Variants in ABCB10 observed in about 807,000 individuals in gnomAD.
ABCB10 encodes ATP-binding cassette sub-family B member 10, mitochondrial.
A neutral mutation model predicts 65.4 loss-of-function variants in ABCB10; 54 were observed. That is an observed-to-expected ratio of 0.83 (90% CI 0.66 to 1.04). ABCB10 has a LOEUF of 1.04. Ranked by LOEUF, ABCB10 falls within the 50% of genes least tolerant of loss-of-function variation. The pLI is 0.00. For missense variants in ABCB10, 846 were observed against 976.6 expected (o/e 0.87, Z 1.78); for synonymous variants, 418 against 406.5 (o/e 1.03, Z -0.34).
intron 11 of ABCB10, chr1:229,519,212 C>T (rs972476637): frequency 1.6e-5 from 3 of 191,084 alleles, no homozygotes; most frequent in African/African-American, 7.0e-5. Context: ...ATGCACAACA[C>T]AGAATACACT....
At chr1:229,537,340 T>C (rs1402188532) in intron 6 of ABCB10, among the ~76,000 whole-genome samples, 2 of 152,248 alleles carry the variant, frequency 1.3e-5, no homozygotes, top group East Asian at 3.8e-4. Flanking sequence ...AGAATGTACT[T>C]AGAATCATTG....
chr1:229,518,437 A>T, intron 12 of ABCB10, 27 bp from the exon 13 acceptor site: 2 of 1,596,852 alleles, frequency 1.3e-6, no homozygotes. Flanking sequence ...CACACAAGAA[A>T]GCAAAGACGT....
At chr1:229,543,130 C>CAAA (rs35652910) in intron 3 of ABCB10, among the ~76,000 whole-genome samples, 6 of 62,400 alleles carry the variant, frequency 9.6e-5, no homozygotes, top group South Asian at 5.7e-4. Context: ...AACTCCATCT[C>CAAA]AAAAAAAAAA....
At chr1:229,518,979 A>G in intron 11 of ABCB10, 104 bp from the exon 12 acceptor site, 2 of 908,388 alleles carry the variant, frequency 2.2e-6, no homozygotes, top group Non-Finnish European at 3.4e-6. Context: ...TACAATGTGG[A>G]TGAGCCTTGG....
intron 10 of ABCB10, among the ~76,000 whole-genome samples, chr1:229,525,727 G>A (rs1279533060): frequency 6.6e-6 from 1 of 152,150 alleles, no homozygotes; most frequent in Non-Finnish European, 1.5e-5. Flanking sequence ...AGCTACTCGG[G>A]AGGCTGAGGC....
At chr1:229,540,271 A>G (rs1662812993) in intron 5 of ABCB10, among the ~76,000 whole-genome samples, 1 of 152,102 alleles carries the variant, frequency 6.6e-6, no homozygotes. Flanking sequence ...GGCCTGTTAA[A>G]CAGATTGCTG....
At chr1:229,520,379 A>T (rs904752053) in intron 11 of ABCB10, among the ~76,000 whole-genome samples, 4 of 151,272 alleles carry the variant, frequency 2.6e-5, no homozygotes, top group African/African-American at 4.9e-5. Flanking sequence ...CTGAGGCATG[A>T]GTATCACTTG....
intron 10 of ABCB10, among the ~76,000 whole-genome samples, chr1:229,523,077 ATG>A (rs1662355218): frequency 6.6e-6 from 1 of 152,222 alleles, no homozygotes; most frequent in South Asian, 2.1e-4. Context: ...AAATAGTAAT[ATG>A]TGTGTATGTA....
Position 229,555,778 on chromosome 1 carries a change from G to A in ABCB10, c.517+2358C>T, listed in dbSNP as rs80141560. On this transcript the variant is annotated intron_variant, in intron 1 of 12. Transcript: ENST00000344517. ...TACCTCCAGCATTTCAAAGAGATGTGCCAACACCTCAGGCTGCTCTTAGAA... is the reference window on the plus strand; with the variant it reads ...TACCTCCAGCATTTCAAAGAGATGTACCAACACCTCAGGCTGCTCTTAGAA... Among the ~76,000 whole-genome samples, 372 of 152,150 alleles carry A rather than the reference G, an allele frequency of 2.4e-3. 10 individuals are homozygous for A. The East Asian group carries it at 0.056, about 23-fold the overall frequency.
chr1:229,527,875 T>C (rs1284736634), intron 8 of ABCB10, among the ~76,000 whole-genome samples: 1 of 152,254 alleles, frequency 6.6e-6, no homozygotes, highest in African/African-American at 2.4e-5. Context: ...TTCCTGCCAG[T>C]GATTTTTGAG....
At chr1:229,534,766 G>C (rs988018939) in intron 6 of ABCB10, among the ~76,000 whole-genome samples, 2 of 151,626 alleles carry the variant, frequency 1.3e-5, no homozygotes, top group African/African-American at 2.4e-5. Context: ...AGCTACTCGG[G>C]AGGCTGAGGC....
intron 6 of ABCB10, among the ~76,000 whole-genome samples, chr1:229,537,625 A>T (rs1193667752): frequency 3.3e-5 from 5 of 151,936 alleles, no homozygotes; most frequent in African/African-American, 9.7e-5. Context: ...CGTCTCTATT[A>T]AAAAAATCCA....
At position 229,527,329 on chromosome 1, in the gene ABCB10, GGA is replaced by G. The variant is rs762960622; in HGVS notation, c.1646-23_1646-22del. 3,119 of 1,606,872 alleles carry G rather than the reference GGA, an allele frequency of 1.9e-3. 8 individuals carry two copies. Among genetic ancestry groups the G allele is most frequent in the Non-Finnish European group, 2.6e-3 (3,018 of 1,174,374 alleles). ...AGTTCCTTGTTGAGAGGAAAGGAAAGGAAAGAGTCACTGAGTGTGATGAGGCT... is the reference window on the plus strand; with the variant it reads ...AGTTCCTTGTTGAGAGGAAAGGAAAGAAGAGTCACTGAGTGTGATGAGGCT... On this transcript the variant is annotated intron_variant, in intron 8 of 12. Transcript: ENST00000344517.
intron 5 of ABCB10, among the ~76,000 whole-genome samples, 163 bp from the exon 6 acceptor site, chr1:229,539,754 T>C (rs1662798478): frequency 6.6e-6 from 1 of 152,230 alleles, no homozygotes; most frequent in Non-Finnish European, 1.5e-5. Flanking sequence ...GGTTTTGTAA[T>C]ATTGCAATAA....
chr1:229,544,226 G>A (rs956717196), intron 3 of ABCB10, among the ~76,000 whole-genome samples: 1 of 152,028 alleles, frequency 6.6e-6, no homozygotes, highest in Admixed American at 6.6e-5. Flanking sequence ...CCAGTGGGCT[G>A]GGCAACATGG....
Position 229,549,209 on chromosome 1 carries a change from C to A in ABCB10, c.718+25G>T, listed in dbSNP as rs772193323. The A allele has an allele frequency of 4.1e-5, 66 of 1,612,808 alleles. No homozygotes were observed. In the East Asian group the frequency reaches 1.4e-3, roughly 35 times the overall value. ...TCTACATCTTCTTCAGGATGACTCA[C>A]ATCCCTGAGAGGAGAGACTGTTACC... On this transcript the variant is annotated intron_variant, in intron 2 of 12. Transcript: ENST00000344517.
At chr1:229,525,833 AG>A in intron 10 of ABCB10, 102 bp downstream of exon 10, 1 of 1,399,234 alleles carries the variant, frequency 7.1e-7, no homozygotes, top group South Asian at 1.4e-5. Flanking sequence ...GCAAGACTCA[AG>A]ACTCCGTCTC....
intron 8 of ABCB10, among the ~76,000 whole-genome samples, chr1:229,529,661 CTG>C (rs1308576967): frequency 8.5e-6 from 1 of 117,178 alleles, no homozygotes; most frequent in African/African-American, 3.3e-5. Context: ...CAGAGCAAGA[CTG>C]TCTCAAAAAA....
At chr1:229,521,136 C>G (rs572718643) in intron 11 of ABCB10, among the ~76,000 whole-genome samples, 1 of 152,148 alleles carries the variant, frequency 6.6e-6, no homozygotes, top group East Asian at 1.9e-4. Flanking sequence ...CTATTGCTTC[C>G]TTAAAAAGAG....
Sources: allele counts gnomAD v4.1 joint callset (sites outside exome capture counted in the v4.1 genomes callset), GRCh38; gene constraint gnomAD v4.1.1; transcripts MANE v1.5; gene names NCBI Gene and HGNC (gene_info 2026-07-23, HGNC 2026-07-21).